The following NIPAL2 variants were observed in gnomAD, a reference collection of about 807,000 sequenced individuals.
NIPAL2 encodes the protein NIPA-like protein 2.
NIPAL2 carries 43 observed loss-of-function variants against 48.9 expected under a neutral mutation model. The ratio of observed to expected loss-of-function variants is 0.88; its 90% CI spans 0.69 to 1.13. The LOEUF (loss-of-function observed/expected upper bound fraction) is 1.13. Among genes scored for constraint, NIPAL2 ranks in the 50% most tolerant of loss-of-function variants. The probability of loss-of-function intolerance (pLI) is 0.00; values close to 1 mark genes in which losing one functional copy is unlikely to be tolerated. For missense variants in NIPAL2, 446 were observed against 461.4 expected (o/e 0.97, Z 0.31); for synonymous variants, 167 against 174.6 (o/e 0.96, Z 0.34).
chr8:98,242,493 T>TTGTTTTTTTTTTG (rs1446180580), intron 3 of NIPAL2, among the ~76,000 whole-genome samples: 8 of 142,808 alleles, frequency 5.6e-5, no homozygotes, highest in South Asian at 2.4e-4. Context: ...GACAGATTTT[T>TTGTTTTTTTTTTG]TTTTTTTTTT....
chr8:98,285,122 C>A (rs1255898425), intron 1 of NIPAL2, among the ~76,000 whole-genome samples: 1 of 152,138 alleles, frequency 6.6e-6, no homozygotes, highest in Non-Finnish European at 1.5e-5. Context: ...CCAACAAAGA[C>A]AAGGCAGAGT....
intron 1 of NIPAL2, among the ~76,000 whole-genome samples, chr8:98,263,298 T>C (rs1814480150): frequency 6.8e-6 from 1 of 148,140 alleles, no homozygotes; most frequent in Non-Finnish European, 1.5e-5. Context: ...CTGAAGGAAA[T>C]AGAGACACAA....
At chr8:98,270,618 A>T (rs1815070744) in intron 1 of NIPAL2, among the ~76,000 whole-genome samples, 1 of 152,102 alleles carries the variant, frequency 6.6e-6, no homozygotes, top group South Asian at 2.1e-4. Flanking sequence ...TGTCAGATGC[A>T]TAGTTTGCAA....
intron 7 of NIPAL2, among the ~76,000 whole-genome samples, chr8:98,204,107 G>A (rs1346533939): frequency 6.6e-6 from 1 of 152,140 alleles, no homozygotes; most frequent in Non-Finnish European, 1.5e-5. Flanking sequence ...GTGTCTGCCT[G>A]TCAAATTTAC....
At chr8:98,200,286 T>C (rs1810740346) in intron 8 of NIPAL2, among the ~76,000 whole-genome samples, 1 of 152,224 alleles carries the variant, frequency 6.6e-6, no homozygotes, top group Non-Finnish European at 1.5e-5. Context: ...CTATTCCCAT[T>C]ATACAACTCA....
chr8:98,244,455 C>A (rs562422132), intron 3 of NIPAL2, among the ~76,000 whole-genome samples: 15 of 56,516 alleles, frequency 2.7e-4, no homozygotes, highest in Non-Finnish European at 4.7e-4. Flanking sequence ...GGGAGGTGGG[C>A]GTGGTGATGG....
intron 1 of NIPAL2, among the ~76,000 whole-genome samples, chr8:98,288,929 C>T (rs1364167927): frequency 6.6e-6 from 1 of 152,214 alleles, no homozygotes; most frequent in African/African-American, 2.4e-5. Context: ...GAATCGCTGG[C>T]CTGACTTTGT....
Position 98,294,210 on chromosome 8 carries a change from G to A in NIPAL2, c.-73C>T. The A allele has an allele frequency of 8.2e-7, 1 of 1,212,840 alleles. No homozygotes were observed. Among genetic ancestry groups the A allele is most frequent in the East Asian group, 3.5e-5 (1 of 28,530 alleles). The allele number at this position is 1,212,840 out of a possible 1,614,324, so 75.1% of individuals were successfully genotyped here. ...TCCCCGCCCTGTTGCACCGCGAGGA[G>A]GCCGCGCCGCAGCCACTTCCTGCTC... On this transcript the variant is annotated 5_prime_UTR_variant, in exon 1 of 11. Transcript: ENST00000430223.
chr8:98,253,927 A>G (rs1265198757), intron 2 of NIPAL2, 92 bp downstream of exon 2: 3 of 686,118 alleles, frequency 4.4e-6, no homozygotes, highest in South Asian at 2.3e-5. Flanking sequence ...TGGAGAAAAG[A>G]GCCACAAAGA....
intron 1 of NIPAL2, among the ~76,000 whole-genome samples, chr8:98,277,338 G>A (rs1020249053): frequency 2.0e-5 from 3 of 151,894 alleles, no homozygotes; most frequent in Non-Finnish European, 2.9e-5. Flanking sequence ...AGACCAGCCT[G>A]GCCAACATGA....
chr8:98,286,237 T>C (rs972706767), intron 1 of NIPAL2, among the ~76,000 whole-genome samples: 5 of 152,242 alleles, frequency 3.3e-5, no homozygotes, highest in East Asian at 3.9e-4. Context: ...AAACTTCTAT[T>C]GTTTATCAAT....
At chr8:98,288,890 C>G (rs1285169935) in intron 1 of NIPAL2, among the ~76,000 whole-genome samples, 1 of 152,212 alleles carries the variant, frequency 6.6e-6, no homozygotes, top group African/African-American at 2.4e-5. Context: ...TTTCCCTCCT[C>G]CCATCACAAC....
chr8:98,260,567 C>G (rs1156312461), intron 1 of NIPAL2, among the ~76,000 whole-genome samples: 1 of 152,156 alleles, frequency 6.6e-6, no homozygotes, highest in East Asian at 1.9e-4. Context: ...TGCGCTTTTC[C>G]GACGGGCTTA....
intron 3 of NIPAL2, among the ~76,000 whole-genome samples, chr8:98,244,654 C>T (rs1813208444): frequency 7.0e-6 from 1 of 143,790 alleles, no homozygotes. Flanking sequence ...TGGTGATGGG[C>T]TGTGGGGCCG....
intron 3 of NIPAL2, among the ~76,000 whole-genome samples, chr8:98,247,498 G>C (rs992996970): frequency 6.6e-6 from 1 of 152,208 alleles, no homozygotes; most frequent in Non-Finnish European, 1.5e-5. Context: ...GCAATGCAGA[G>C]AGTCTCCACA....
intron 1 of NIPAL2, among the ~76,000 whole-genome samples, chr8:98,278,647 T>C (rs1020635131): frequency 4.6e-5 from 7 of 152,200 alleles, no homozygotes; most frequent in African/African-American, 1.7e-4. Context: ...TCCACTAGAC[T>C]ATAAGCTCCT....
At chr8:98,202,281 AG>A (rs1293500884) in intron 8 of NIPAL2, among the ~76,000 whole-genome samples, 1 of 152,200 alleles carries the variant, frequency 6.6e-6, no homozygotes, top group Non-Finnish European at 1.5e-5. Context: ...CGAGCTGGTG[AG>A]GGGCATATAG....
rs183401381 is a variant in NIPAL2 at position 98,286,429 on chromosome 8, C to G, written c.135+7574G>C. On this transcript the variant is annotated intron_variant, in intron 1 of 10. Transcript: ENST00000430223. ...GGGGCAAATGCAATCTTCAGTGAGG[C>G]ATGGAGCTCATAACTAAATATATGT... Among the ~76,000 whole-genome samples, 351 of 152,216 alleles carry G rather than the reference C, an allele frequency of 2.3e-3. 1 individual carries two copies. Among genetic ancestry groups the G allele is most frequent in the African/African-American group, 8.0e-3 (333 of 41,536 alleles).
Position 98,254,060 on chromosome 8 carries a change from T to C in NIPAL2, c.163A>G (p.Ile55Val). 1 of 1,611,800 alleles carries C rather than the reference T, an allele frequency of 6.2e-7. No individual in the cohort carries two copies. Among genetic ancestry groups the C allele is most frequent in the Non-Finnish European group, 8.5e-7 (1 of 1,178,682 alleles). The stretch of plus-strand genomic sequence containing the variant: ...ATACTGATCACCAAGTTTCCTAAAA[T>C]AGCCAGCAAAACTCCAAAAAGGTGA... ...QIHLFGVLLA[I>V]LGNLVISISL... Residue 55 changes from isoleucine (I) to valine (V), a missense_variant, in exon 2 of 11, where the codon ATT (isoleucine) becomes GTT (valine). Transcript: ENST00000430223.
Sources: gnomAD v4.1 joint callset for allele counts (sites outside exome capture counted in the v4.1 genomes callset) on GRCh38, gnomAD v4.1.1 for gene constraint, MANE v1.5 for transcripts, NCBI Gene and HGNC (gene_info 2026-07-23, HGNC 2026-07-21) for gene names.